Variants in NXNL2 observed in about 807,000 individuals in gnomAD.
NXNL2 encodes nucleoredoxin-like protein 2.
Under a neutral mutation model 11.1 loss-of-function variants are expected in NXNL2, and 7 were observed. That is an observed-to-expected ratio of 0.63 (90% CI 0.36 to 1.18). The LOEUF is 1.18. Among genes scored for constraint, NXNL2 ranks in the 50% most tolerant of loss-of-function variants. The pLI is 0.02. For synonymous variants in NXNL2, 109 were observed against 101.8 expected (o/e 1.07, Z -0.42); for missense variants, 233 against 217.7 (o/e 1.07, Z -0.44).
chr9:88,576,350 C>T (rs1039381468), downstream of NXNL2, among the ~76,000 whole-genome samples: 1 of 152,238 alleles, frequency 6.6e-6, no homozygotes, highest in Non-Finnish European at 1.5e-5. Flanking sequence ...CAACAGGTGG[C>T]TGCTTCTTTC....
At chr9:88,536,633 C>T (rs1039694801) in intron 1 of NXNL2, among the ~76,000 whole-genome samples, 4 of 152,130 alleles carry the variant, frequency 2.6e-5, no homozygotes, top group African/African-American at 9.7e-5. Flanking sequence ...TGTGGCATTA[C>T]CCCCTAAACT....
In NXNL2 at chr9:88,544,362, A is replaced by G. The variant is rs371045307; in HGVS notation, c.303-17A>G. 6.5e-7 allele frequency: 1 copy of G among 1,549,178 alleles called. No homozygotes were observed. The highest frequency in any genetic ancestry group is 1.4e-5 in the African/African-American group (1 of 72,730). On this transcript the variant is annotated splice_polypyrimidine_tract_variant and intron_variant, in intron 1 of 1. Transcript: ENST00000375854. ...ATGTGGGAGTGCTAACTTCGGTACC[A>G]CTCTTCTGTCCTGCAGTGAGCTGAG...
chr9:88,554,125 C>T lies in NXNL2; in HGVS notation c.303-16962C>T, dbSNP rs537713449. 2.5e-4 allele frequency among the ~76,000 whole-genome samples: 38 copies of T among 152,282 alleles called. No homozygotes were observed. In the Middle Eastern group the frequency reaches 0.014, roughly 55 times the overall value. ...GTCAGGGCCTCAGGCAGGGATAAAG[C>T]TCAGAGGGAGAAGATAGAGTGGGGC... On this transcript the variant is annotated intron_variant, in intron 1 of 2. Transcript: ENST00000375855.
downstream of NXNL2, among the ~76,000 whole-genome samples, chr9:88,579,839 A>T (rs1767241068): frequency 6.6e-6 from 1 of 152,176 alleles, no homozygotes; most frequent in African/African-American, 2.4e-5. Flanking sequence ...CAAATGAATT[A>T]AAAAATGATG....
Position 88,569,528 on chromosome 9 carries a change from A to G in NXNL2, c.303-1559A>G, listed in dbSNP as rs1830228241. On this transcript the variant is annotated intron_variant, in intron 1 of 2. Transcript: ENST00000375855. ...TCGGGTTTTCTCTTGCCTTAAATTG[A>G]CATTTAATAATGGCAGAGACATAAT... Among the ~76,000 whole-genome samples the G allele has an allele frequency of 2.0e-5, 3 of 152,266 alleles. No individual in the cohort carries two copies. In the South Asian group the frequency reaches 6.2e-4, roughly 31 times the overall value.
At chr9:88,565,491 G>A (rs980757105) in intron 1 of NXNL2, among the ~76,000 whole-genome samples, 1 of 151,996 alleles carries the variant, frequency 6.6e-6, no homozygotes, top group Non-Finnish European at 1.5e-5. Flanking sequence ...TGGGTACAAG[G>A]GTTCCAATTA....
chr9:88,578,634 G>T (rs1830375888), downstream of NXNL2, among the ~76,000 whole-genome samples: 1 of 152,228 alleles, frequency 6.6e-6, no homozygotes, highest in South Asian at 2.1e-4. Context: ...GGAGCCGCCG[G>T]CCCGGCCTAC....
downstream of NXNL2, among the ~76,000 whole-genome samples, chr9:88,579,931 C>A (rs1198083227): frequency 2.0e-5 from 3 of 151,826 alleles, no homozygotes; most frequent in Admixed American, 1.3e-4. Flanking sequence ...GAGATCGAGA[C>A]CCTCCTGACT....
At chr9:88,561,371 T>A (rs973614965) in intron 1 of NXNL2, among the ~76,000 whole-genome samples, 2 of 146,050 alleles carry the variant, frequency 1.4e-5, no homozygotes, top group East Asian at 3.9e-4. Flanking sequence ...GATTGTGTAA[T>A]CTTGTGATTG....
At chr9:88,559,666 G>T (rs1464483541) in intron 1 of NXNL2, among the ~76,000 whole-genome samples, 2 of 152,176 alleles carry the variant, frequency 1.3e-5, no homozygotes, top group Non-Finnish European at 2.9e-5. Context: ...CACTGCCTGT[G>T]GTCAGAGCTT....
chr9:88,582,785 T>C (rs931974880), intron 1 of NXNL2, among the ~76,000 whole-genome samples: 3 of 152,012 alleles, frequency 2.0e-5, no homozygotes, highest in Non-Finnish European at 4.4e-5. Flanking sequence ...TCTTGTGCCT[T>C]AGCCTCCTGA....
intron 1 of NXNL2, among the ~76,000 whole-genome samples, chr9:88,567,731 G>A (rs1830197553): frequency 1.3e-5 from 2 of 152,174 alleles, no homozygotes; most frequent in Non-Finnish European, 1.5e-5. Context: ...TAATATGTAA[G>A]GCACTAATCT....
At chr9:88,543,591 G>T (rs1200967648) in intron 1 of NXNL2, among the ~76,000 whole-genome samples, 2 of 152,084 alleles carry the variant, frequency 1.3e-5, no homozygotes, top group East Asian at 3.9e-4. Flanking sequence ...ACCATTATAT[G>T]TACCTGATAT....
At chr9:88,536,999 G>A (rs904630384) in intron 1 of NXNL2, among the ~76,000 whole-genome samples, 1 of 152,218 alleles carries the variant, frequency 6.6e-6, no homozygotes, top group Non-Finnish European at 1.5e-5. Context: ...TTGAAAGAAC[G>A]CAGGTTTGAA....
In NXNL2 at chr9:88,570,781, C is replaced by T. The variant is rs927938241; in HGVS notation, c.303-306C>T. On this transcript the variant is annotated intron_variant, in intron 1 of 2. Transcript: ENST00000375855. Reference sequence around the variant, plus strand: ...TTTTTGAGATGGAGTCTCATTCTGTCGCCCAGGCCAGAGTGCAGTGGCGGG... The same window carrying T: ...TTTTTGAGATGGAGTCTCATTCTGTTGCCCAGGCCAGAGTGCAGTGGCGGG... Among the ~76,000 whole-genome samples the T allele has an allele frequency of 2.0e-5, 3 of 152,104 alleles. No homozygotes were observed. In the South Asian group the frequency reaches 6.2e-4, roughly 31 times the overall value.
At chr9:88,543,468 G>A (rs895688361) in intron 1 of NXNL2, among the ~76,000 whole-genome samples, 2 of 152,062 alleles carry the variant, frequency 1.3e-5, no homozygotes, top group Non-Finnish European at 2.9e-5. Context: ...GTCTCACTAT[G>A]TTGCCCAGGC....
rs1480421098 is a variant in NXNL2, at chr9:88,535,680, C to A, written c.246C>A (p.Phe82Leu). ...GCAGCTCCCAGGAGATGCTGGACTT[C>A]ATGCGCGAGCTGCATGGCGCCTGGC... ...ADGSSQEMLD[F>L]MRELHGAWLA... Residue 82 changes from phenylalanine to leucine, a missense_variant, in exon 1 of 2, where the codon TTC becomes TTA. By Grantham distance (22) the Phe-to-Leu change is conservative. Coordinates refer to ENST00000375854, the MANE Select transcript of NXNL2 (RefSeq NM_001161625.2). 6.2e-7 allele frequency: 1 copy of A among 1,603,756 alleles called. No individual in the cohort carries two copies. The highest frequency in any genetic ancestry group is 8.5e-7 in the Non-Finnish European group (1 of 1,177,486).
At chr9:88,551,862 G>C (rs1829936870) in intron 1 of NXNL2, among the ~76,000 whole-genome samples, 1 of 152,118 alleles carries the variant, frequency 6.6e-6, no homozygotes, top group Non-Finnish European at 1.5e-5. Context: ...CTGGGAGCTG[G>C]GTAGGATCAT....
At chr9:88,544,297 C>A in intron 1 of NXNL2, 82 bp from the exon 2 acceptor site, 1 of 1,304,190 alleles carries the variant, frequency 7.7e-7, no homozygotes, top group Non-Finnish European at 1.1e-6. Flanking sequence ...GTTGGCTGTA[C>A]CTCAGGCTGG....
Sources: gnomAD v4.1 joint callset for allele counts (sites outside exome capture counted in the v4.1 genomes callset) on GRCh38, gnomAD v4.1.1 for gene constraint, MANE v1.5 for transcripts, NCBI Gene and HGNC (gene_info 2026-07-23, HGNC 2026-07-21) for gene names.